The following ZNF536 variants were observed in gnomAD, a reference collection of about 807,000 sequenced individuals.
The protein encoded by ZNF536 is zinc finger protein 536.
Under a neutral mutation model 84.5 loss-of-function variants are expected in ZNF536, and 13 were observed. That is an observed-to-expected ratio of 0.15 (90% CI 0.10 to 0.24). The LOEUF (loss-of-function observed/expected upper bound fraction) is 0.24, where lower values mean the gene tolerates loss of function less well. ZNF536 is among the 10% of genes least tolerant of loss of function. The probability of loss-of-function intolerance (pLI) is 1.00; values close to 1 mark genes in which losing one functional copy is unlikely to be tolerated. For synonymous variants in ZNF536, 811 were observed against 742.5 expected, an observed-to-expected ratio of 1.09 and a Z score of -1.50; for missense variants, 1,536 against 1,747.5, an observed-to-expected ratio of 0.88 and a Z score of 2.16.
In ZNF536 at chr19:30,695,756, A is replaced by G. The variant is rs560330231; in HGVS notation, c.170-15001A>G. ...TGGTGTGGCTTTCTTCTGCCTGGAG[A>G]GGTCTCACTGTTGGTCTGAGGTGGA... On this transcript the variant is annotated intron_variant, in intron 1 of 1. Transcript: ENST00000592773. 1.3e-4 allele frequency among the ~76,000 whole-genome samples: 20 copies of G among 152,168 alleles called. No individual in the cohort carries two copies. The East Asian group carries it at 3.5e-3, about 26-fold the overall frequency.
At chr19:30,437,014 C>T (rs1269389325) in intron 1 of ZNF536, among the ~76,000 whole-genome samples, 3 of 152,186 alleles carry the variant, frequency 2.0e-5, no homozygotes, top group Non-Finnish European at 2.9e-5. Flanking sequence ...GACAACAATA[C>T]TTGATTTTTT....
chr19:30,276,394 GT>G (rs1442814694), intron 1 of ZNF536, among the ~76,000 whole-genome samples: 3 of 151,978 alleles, frequency 2.0e-5, no homozygotes, highest in African/African-American at 2.4e-5. Context: ...TACTGGGAAA[GT>G]TTTTTTTCTT....
In ZNF536 at chr19:30,539,629, A is replaced by C. The variant is rs140721524; in HGVS notation, c.2323+4630A>C. On this transcript the variant is annotated intron_variant, in intron 3 of 4. Coordinates refer to ENST00000355537, the MANE Select transcript of ZNF536 (RefSeq NM_014717.3). ...TGAGAGGTTGGCAAATCATTTCAGG[A>C]TTGGTCTCCATGCACCCATGCCATT... is the stretch of plus-strand genomic sequence containing the variant. 3.0e-4 allele frequency among the ~76,000 whole-genome samples: 45 copies of C among 152,288 alleles called. 1 individual carries two copies. Among genetic ancestry groups the C allele is most frequent in the African/African-American group, 1.1e-3 (44 of 41,556 alleles).
chr19:30,566,220 G>A (rs1387228431), intron 1 of ZNF536, among the ~76,000 whole-genome samples: 1 of 152,054 alleles, frequency 6.6e-6, no homozygotes, highest in Non-Finnish European at 1.5e-5. Flanking sequence ...GTTACCACCG[G>A]GACGTTTTGT....
intron 2 of ZNF536, among the ~76,000 whole-genome samples, chr19:30,497,269 C>A (rs895918462): frequency 6.6e-6 from 1 of 152,192 alleles, no homozygotes; most frequent in African/African-American, 2.4e-5. Context: ...ATCACTCTGC[C>A]GGTGACCTTT....
chr19:30,532,254 C>T (rs906637021), intron 2 of ZNF536, among the ~76,000 whole-genome samples: 30 of 152,220 alleles, frequency 2.0e-4, no homozygotes, highest in East Asian at 1.4e-3. Context: ...TTCAGCCTCC[C>T]GAGTAGCTGG....
At chr19:30,383,761 T>TTCTTTCTTTC (rs1421609894) in intron 1 of ZNF536, among the ~76,000 whole-genome samples, 1 of 6,120 alleles carries the variant, frequency 1.6e-4, no homozygotes, top group African/African-American at 5.2e-4. Flanking sequence ...TTCTTTCTCT[T>TTCTTTCTTTC]TCTTTCTTTC....
intron 1 of ZNF536, among the ~76,000 whole-genome samples, chr19:30,271,524 T>C (rs959493485): frequency 2.6e-5 from 4 of 152,044 alleles, no homozygotes; most frequent in Non-Finnish European, 4.4e-5. Flanking sequence ...TTCACCAGGA[T>C]AGCTGTATTT....
chr19:30,545,590 G>T (rs935621568), intron 3 of ZNF536, among the ~76,000 whole-genome samples: 2 of 151,748 alleles, frequency 1.3e-5, no homozygotes, highest in Non-Finnish European at 2.9e-5. Context: ...GTAGAGACGG[G>T]GTTTCATCAT....
chr19:30,458,410 C>T (rs986400063), intron 2 of ZNF536, among the ~76,000 whole-genome samples: 4 of 148,496 alleles, frequency 2.7e-5, no homozygotes, highest in African/African-American at 5.1e-5. Context: ...AGAGAATTAA[C>T]GTTCCTAGGG....
chr19:30,673,373 T>G (rs2050632344), intron 1 of ZNF536, among the ~76,000 whole-genome samples: 1 of 152,138 alleles, frequency 6.6e-6, no homozygotes. Context: ...CATCTTCAAA[T>G]CTCTGCTCTC....
At chr19:30,313,221 G>A (rs1182552839) in intron 2 of ZNF536, among the ~76,000 whole-genome samples, 3 of 152,214 alleles carry the variant, frequency 2.0e-5, no homozygotes, top group Admixed American at 2.0e-4. Flanking sequence ...ATAGCGGGGT[G>A]GAGGTTTGCT....
chr19:30,424,030 G>A (rs1257604489), intron 1 of ZNF536, among the ~76,000 whole-genome samples: 1 of 152,172 alleles, frequency 6.6e-6, no homozygotes, highest in African/African-American at 2.4e-5. Flanking sequence ...TGGGGGCCTG[G>A]GCTGGCCCTG....
At chr19:30,263,032 C>A (rs558416196) in intron 1 of ZNF536, among the ~76,000 whole-genome samples, 1 of 151,998 alleles carries the variant, frequency 6.6e-6, no homozygotes. Context: ...AACTCCGCAG[C>A]GTGGACAGGC....
At chr19:30,429,351 T>C (rs181266136) in intron 1 of ZNF536, among the ~76,000 whole-genome samples, 19 of 152,244 alleles carry the variant, frequency 1.2e-4, no homozygotes, top group Middle Eastern at 3.4e-3. Flanking sequence ...TGGTTCCAGT[T>C]GGCTGTCTTC....
At chr19:30,374,499 GT>G (rs58562524) in intron 1 of ZNF536, among the ~76,000 whole-genome samples, 54,389 of 150,846 alleles carry the variant, frequency 0.36, 10,084 homozygotes, top group Middle Eastern at 0.54. Context: ...TAAATATAGT[GT>G]TTTTTTTTAA....
chr19:30,340,388 C>G (rs918656220), intron 2 of ZNF536, among the ~76,000 whole-genome samples: 3 of 152,204 alleles, frequency 2.0e-5, no homozygotes, highest in African/African-American at 7.2e-5. Context: ...CCCAGCCCAG[C>G]CCCTGGACTC....
chr19:30,662,765 G>A (rs565843023), intron 1 of ZNF536, among the ~76,000 whole-genome samples: 5 of 152,022 alleles, frequency 3.3e-5, no homozygotes, highest in African/African-American at 9.7e-5. Flanking sequence ...CTGCCCTGAC[G>A]GCCGGTCGGG....
Position 30,615,746 on chromosome 19 carries a change from G to A in ZNF536, c.169+66232G>A, listed in dbSNP as rs750489732. Among the ~76,000 whole-genome samples, 74 of 152,162 alleles carry A rather than the reference G, an allele frequency of 4.9e-4. 1 individual carries two copies. The highest frequency in any genetic ancestry group is 3.4e-3 in the Middle Eastern group (1 of 294). On this transcript the variant is annotated intron_variant, in intron 1 of 1. Coordinates refer to the ZNF536 transcript ENST00000592773. The stretch of plus-strand genomic sequence containing the variant: ...GAAGAATTAATATTGTTATGACTTG[G>A]AGTCTTACGTCTAAGAGCAAAATAG...
Sources: gnomAD v4.1 joint callset for allele counts (sites outside exome capture counted in the v4.1 genomes callset) on GRCh38, gnomAD v4.1.1 for gene constraint, MANE v1.5 for transcripts, NCBI Gene and HGNC (gene_info 2026-07-23, HGNC 2026-07-21) for gene names.